Variants in CBLB observed in about 807,000 individuals in gnomAD.
CBLB encodes E3 ubiquitin-protein ligase CBL-B.
CBLB carries 31 observed loss-of-function variants against 104.9 expected under a neutral mutation model. The observed-to-expected ratio is 0.30, with a 90% CI of 0.22 to 0.40. The LOEUF (loss-of-function observed/expected upper bound fraction) is 0.40. CBLB is among the 10% of genes least tolerant of loss of function. The pLI is 1.00. For synonymous variants in CBLB, 440 were observed against 422.6 expected, an observed-to-expected ratio of 1.04 and a Z score of -0.51; for missense variants, 1,062 against 1,214.6, an observed-to-expected ratio of 0.87 and a Z score of 1.87.
chr3:105,787,761 T>A (rs1266322341), intron 3 of CBLB, among the ~76,000 whole-genome samples: 1 of 152,224 alleles, frequency 6.6e-6, no homozygotes, highest in African/African-American at 2.4e-5. Flanking sequence ...ATTAGTATAT[T>A]TGAAAGCCTT....
intron 17 of CBLB, among the ~76,000 whole-genome samples, chr3:105,678,121 C>T (rs964112843): frequency 1.3e-5 from 2 of 152,094 alleles, no homozygotes; most frequent in Non-Finnish European, 2.9e-5. Flanking sequence ...TTACTATTAG[C>T]CTAACCCCTT....
At chr3:105,814,492 T>C (rs1447152374) in intron 3 of CBLB, among the ~76,000 whole-genome samples, 1 of 152,138 alleles carries the variant, frequency 6.6e-6, no homozygotes, top group Non-Finnish European at 1.5e-5. Flanking sequence ...CCACTGAATA[T>C]ATTGAAGGAA....
chr3:105,851,032 T>C (rs1326447678), intron 3 of CBLB, among the ~76,000 whole-genome samples: 1 of 152,164 alleles, frequency 6.6e-6, no homozygotes, highest in Non-Finnish European at 1.5e-5. Flanking sequence ...GCTAGGTATT[T>C]TACCCAAATG....
At chr3:105,814,511 A>G (rs1398504390) in intron 3 of CBLB, among the ~76,000 whole-genome samples, 1 of 152,196 alleles carries the variant, frequency 6.6e-6, no homozygotes, top group Admixed American at 6.5e-5. Flanking sequence ...AAAATAGCGT[A>G]CATGTACAAT....
chr3:105,707,877 C>T (rs1025986978), intron 10 of CBLB, among the ~76,000 whole-genome samples: 1 of 151,942 alleles, frequency 6.6e-6, no homozygotes, highest in Non-Finnish European at 1.5e-5. Flanking sequence ...AAACAAAGTA[C>T]ATCAATTCAA....
At chr3:105,826,856 A>G (rs1382991845) in intron 3 of CBLB, among the ~76,000 whole-genome samples, 1 of 152,164 alleles carries the variant, frequency 6.6e-6, no homozygotes, top group African/African-American at 2.4e-5. Context: ...TGTTCCCTCA[A>G]CTTTCTCATT....
chr3:105,806,886 G>A lies in CBLB; in HGVS notation c.420-30344C>T, dbSNP rs149037007. On this transcript the variant is annotated intron_variant, in intron 3 of 18. Transcript: ENST00000394030. ...TGATTTGTGTAAAACATTCATTGTT[G>A]CTTCCAAAACTTAAAAAAATTTTTT... 9.6e-4 allele frequency among the ~76,000 whole-genome samples: 146 copies of A among 152,148 alleles called. 1 individual carries two copies. The East Asian group carries it at 0.026, about 27-fold the overall frequency.
At chr3:105,849,221 T>C (rs375013875) in intron 3 of CBLB, among the ~76,000 whole-genome samples, 17 of 152,278 alleles carry the variant, frequency 1.1e-4, no homozygotes, top group South Asian at 4.1e-4. Flanking sequence ...GTGCCTGTTA[T>C]GGTGTACCAA....
At position 105,681,429 on chromosome 3, in the gene CBLB, A is replaced by G. The variant is rs2066301424; in HGVS notation, c.2428+50T>C. The G allele has an allele frequency of 9.4e-6, 15 of 1,590,918 alleles. No homozygotes were observed. The East Asian group carries it at 3.1e-4, about 33-fold the overall frequency. ...AACTCTGAATTCTGAAAATTCTGAA[A>G]TTAAAAGAAGGAGGGGTGGGTTGTT... On this transcript the variant is annotated intron_variant, in intron 16 of 18. Transcript: ENST00000394030.
At chr3:105,833,943 C>T (rs1389373722) in intron 3 of CBLB, among the ~76,000 whole-genome samples, 1 of 151,914 alleles carries the variant, frequency 6.6e-6, no homozygotes, top group East Asian at 1.9e-4. Context: ...TTTTTCCAGA[C>T]CTTAAGGTTG....
chr3:105,781,449 T>C (rs1469437871), intron 3 of CBLB, among the ~76,000 whole-genome samples: 1 of 152,176 alleles, frequency 6.6e-6, no homozygotes, highest in African/African-American at 2.4e-5. Context: ...ATGAATATCA[T>C]ATAGTATGAA....
At chr3:105,681,972 C>A in intron 14 of CBLB, 154 bp from the exon 15 acceptor site, 1 of 608,960 alleles carries the variant, frequency 1.6e-6, no homozygotes, top group South Asian at 2.0e-5. Context: ...CATCAAGATA[C>A]TCATCCCTTA....
chr3:105,679,172 G>A (rs1471649245), intron 16 of CBLB, among the ~76,000 whole-genome samples: 1 of 151,864 alleles, frequency 6.6e-6, no homozygotes, highest in Non-Finnish European at 1.5e-5. Context: ...TTTAGCTACA[G>A]AAGAACAGCT....
intron 4 of CBLB, among the ~76,000 whole-genome samples, chr3:105,753,642 T>A (rs1420463540): frequency 6.6e-6 from 1 of 152,174 alleles, no homozygotes; most frequent in Non-Finnish European, 1.5e-5. Flanking sequence ...GTTAAAGCAT[T>A]TTTGTTTCGT....
chr3:105,819,394 G>A (rs924724538), intron 3 of CBLB, among the ~76,000 whole-genome samples: 1 of 152,068 alleles, frequency 6.6e-6, no homozygotes, highest in African/African-American at 2.4e-5. Flanking sequence ...GGCTGAGGCA[G>A]GAGAATCACT....
intron 4 of CBLB, among the ~76,000 whole-genome samples, chr3:105,758,436 T>C (rs946230638): frequency 6.6e-6 from 1 of 152,218 alleles, no homozygotes; most frequent in African/African-American, 2.4e-5. Context: ...AGATAAGCAC[T>C]ACTGTCGCTT....
chr3:105,717,956 T>C (rs1246909685), intron 10 of CBLB, among the ~76,000 whole-genome samples: 1 of 152,198 alleles, frequency 6.6e-6, no homozygotes, highest in African/African-American at 2.4e-5. Flanking sequence ...ACAGAGAAGC[T>C]ACTATTATTT....
intron 4 of CBLB, among the ~76,000 whole-genome samples, chr3:105,767,697 A>G (rs546214441): frequency 1.3e-5 from 2 of 152,214 alleles, no homozygotes; most frequent in South Asian, 4.1e-4. Context: ...ACAAAATAGA[A>G]TATTTATTAT....
intron 4 of CBLB, among the ~76,000 whole-genome samples, chr3:105,756,066 T>C (rs2077054153): frequency 6.6e-6 from 1 of 152,186 alleles, no homozygotes; most frequent in Non-Finnish European, 1.5e-5. Flanking sequence ...AAAAATATAT[T>C]TTCTGTATTT....
Sources: gnomAD v4.1 joint callset for allele counts (sites outside exome capture counted in the v4.1 genomes callset) on GRCh38, gnomAD v4.1.1 for gene constraint, MANE v1.5 for transcripts, NCBI Gene and HGNC (gene_info 2026-07-23, HGNC 2026-07-21) for gene names.